The following SCAF11 variants were observed in gnomAD, a reference collection of about 807,000 sequenced individuals.
The protein encoded by SCAF11 is protein SCAF11.
SCAF11 carries 47 observed loss-of-function variants against 140.5 expected under a neutral mutation model. The observed-to-expected ratio is 0.33, with a 90% confidence interval of 0.26 to 0.43. SCAF11 has a LOEUF of 0.43. SCAF11 is among the 20% of genes least tolerant of loss of function. The pLI, the probability that SCAF11 is intolerant of heterozygous loss-of-function variation, is 1.00. For missense variants in SCAF11, 1,645 were observed against 1,705.1 expected (o/e 0.96, Z 0.62); for synonymous variants, 557 against 579.4 (o/e 0.96, Z 0.55).
At chr12:45,937,122 T>C (rs534272919) in intron 6 of SCAF11, among the ~76,000 whole-genome samples, 1 of 152,076 alleles carries the variant, frequency 6.6e-6, no homozygotes, top group Non-Finnish European at 1.5e-5. Flanking sequence ...ACGGAAAAAA[T>C]TTCCTTTGTA....
intron 1 of SCAF11, among the ~76,000 whole-genome samples, chr12:45,978,115 A>G (rs1384141432): frequency 6.6e-6 from 1 of 152,160 alleles, no homozygotes; most frequent in Admixed American, 6.6e-5. Context: ...TTACCATGAG[A>G]GTCTGAAAAA....
intron 4 of SCAF11, among the ~76,000 whole-genome samples, chr12:45,950,855 A>C (rs1365938500): frequency 6.6e-6 from 1 of 152,164 alleles, no homozygotes; most frequent in Non-Finnish European, 1.5e-5. Context: ...GTGGACAAAG[A>C]CTAACAGTGC....
chr12:45,965,592 G>A (rs1396122417), intron 1 of SCAF11, among the ~76,000 whole-genome samples: 4 of 152,090 alleles, frequency 2.6e-5, no homozygotes, highest in Admixed American at 2.6e-4. Context: ...GGAATTACAG[G>A]CATAAGCCAC....
chr12:45,990,289 T>C (rs1324460944), intron 1 of SCAF11, 64 bp downstream of exon 1: 2 of 1,230,954 alleles, frequency 1.6e-6, no homozygotes, highest in South Asian at 4.2e-5. Context: ...CGCCGGCCGC[T>C]AACCCTCGTC....
chr12:45,982,217 A>T (rs1164475950), intron 1 of SCAF11, among the ~76,000 whole-genome samples: 1 of 152,176 alleles, frequency 6.6e-6, no homozygotes, highest in Non-Finnish European at 1.5e-5. Flanking sequence ...AACAGTTTCT[A>T]AAGAAATATG....
At chr12:45,954,383 C>G (rs1301030477) in intron 3 of SCAF11, among the ~76,000 whole-genome samples, 4 of 151,946 alleles carry the variant, frequency 2.6e-5, no homozygotes, top group Non-Finnish European at 5.9e-5. Flanking sequence ...ACTACAGGTG[C>G]ATGCCACCAT....
chr12:45,950,877 G>A (rs540935627), intron 4 of SCAF11, among the ~76,000 whole-genome samples: 4 of 152,130 alleles, frequency 2.6e-5, no homozygotes, highest in South Asian at 4.1e-4. Flanking sequence ...ACCTAAAAAC[G>A]GTTTGTTTCT....
rs147656077 is a variant in SCAF11, at chr12:45,980,624, G to C, written c.-22+9729C>G. ...CTAATACACAAAAGGATCTCTATAA[G>C]GGTCATAAGTTACCCAACAACTCAC... is the stretch of plus-strand genomic sequence containing the variant. On this transcript the variant is annotated intron_variant, in intron 1 of 14. Coordinates refer to ENST00000369367, the MANE Select transcript of SCAF11 (RefSeq NM_004719.3). Among the ~76,000 whole-genome samples, 1,304 of 152,232 alleles carry C rather than the reference G, an allele frequency of 8.6e-3. 16 individuals carry two copies. The highest frequency in any genetic ancestry group is 0.028 in the African/African-American group (1,155 of 41,548).
chr12:45,943,968 C>T (rs1945364750), intron 6 of SCAF11, among the ~76,000 whole-genome samples: 1 of 152,096 alleles, frequency 6.6e-6, no homozygotes, highest in Non-Finnish European at 1.5e-5. Context: ...ATGAGCTTTA[C>T]TATACTGAAG....
chr12:45,985,715 G>C (rs1045289378), intron 1 of SCAF11, among the ~76,000 whole-genome samples: 1 of 152,132 alleles, frequency 6.6e-6, no homozygotes, highest in Admixed American at 6.5e-5. Context: ...ATAAACATTA[G>C]CTATCTTCTG....
chr12:45,966,509 G>A (rs1945951866), intron 1 of SCAF11, among the ~76,000 whole-genome samples: 1 of 151,414 alleles, frequency 6.6e-6, no homozygotes, highest in African/African-American at 2.4e-5. Context: ...GTGCTATGGA[G>A]AAAAATTAAA....
chr12:45,990,809 A>C (rs1946588280), upstream of SCAF11, among the ~76,000 whole-genome samples: 1 of 152,166 alleles, frequency 6.6e-6, no homozygotes. Context: ...GGGTGGAGTC[A>C]CGTCACGCGG....
intron 6 of SCAF11, among the ~76,000 whole-genome samples, chr12:45,942,697 A>T (rs1250594283): frequency 6.6e-6 from 1 of 152,120 alleles, no homozygotes; most frequent in African/African-American, 2.4e-5. Context: ...TTAACTTCTT[A>T]CTTCTTGAAG....
chr12:45,925,426 G>A (rs1444297878), intron 11 of SCAF11, among the ~76,000 whole-genome samples: 1 of 152,072 alleles, frequency 6.6e-6, no homozygotes, highest in Non-Finnish European at 1.5e-5. Context: ...GTGGTGGTGA[G>A]CGCCTGTAAT....
At chr12:45,983,788 G>A (rs1391055914) in intron 1 of SCAF11, among the ~76,000 whole-genome samples, 1 of 54,348 alleles carries the variant, frequency 1.8e-5, no homozygotes, top group South Asian at 7.5e-4. Flanking sequence ...CACACACAAA[G>A]ACTGAACTAA....
At chr12:45,946,950 G>A (rs879306957) in intron 5 of SCAF11, among the ~76,000 whole-genome samples, 3 of 152,092 alleles carry the variant, frequency 2.0e-5, no homozygotes, top group Admixed American at 2.0e-4. Context: ...TCTAGCAGAA[G>A]GGATCTGAAT....
At chr12:45,969,004 A>T (rs2136631892) in intron 1 of SCAF11, among the ~76,000 whole-genome samples, 1 of 152,356 alleles carries the variant, frequency 6.6e-6, no homozygotes, top group African/African-American at 2.4e-5. Flanking sequence ...GCTGCCCAAC[A>T]GGGAATTCTT....
chr12:45,951,344 A>T (rs1213038202), intron 4 of SCAF11, among the ~76,000 whole-genome samples: 1 of 152,172 alleles, frequency 6.6e-6, no homozygotes, highest in African/African-American at 2.4e-5. Flanking sequence ...ATATTCTAAA[A>T]TGTTAAGTAT....
rs1944890642 is a variant in SCAF11 at position 45,927,082 on chromosome 12, C to T, written c.2619G>A (p.Arg873=). Residue 873 remains arginine (R), a synonymous_variant, in exon 11 of 15, where the codon AGG becomes AGA. Coordinates refer to ENST00000369367, the MANE Select transcript of SCAF11 (RefSeq NM_004719.3). ...QSRSPKRDTT[R]ESRRSESLSP... is the part of the protein sequence containing the mutation. ...ACAGTGATTCAGATCTTCTGCTTTC[C>T]CTAGTAGTATCCCTTTTTGGAGACC... The T allele has an allele frequency of 6.2e-7, 1 of 1,614,056 alleles. No homozygotes were observed. Among genetic ancestry groups the T allele is most frequent in the Non-Finnish European group, 8.5e-7 (1 of 1,180,004 alleles).
Sources: allele counts gnomAD v4.1 joint callset (sites outside exome capture counted in the v4.1 genomes callset), GRCh38; gene constraint gnomAD v4.1.1; transcripts MANE v1.5; gene names NCBI Gene and HGNC (gene_info 2026-07-23, HGNC 2026-07-21).